SUGCT: variants seen among roughly 807,000 people sequenced by gnomAD.
SUGCT encodes succinyl-CoA:glutarate-CoA transferase, also known as succinyl-CoA:glutarate CoA-transferase.
SUGCT carries 41 observed loss-of-function variants against 55.0 expected under a neutral mutation model. The observed-to-expected ratio is 0.74, with a 90% confidence interval of 0.58 to 0.97. The LOEUF (loss-of-function observed/expected upper bound fraction) is 0.97. SUGCT is among the 50% of genes least tolerant of loss of function. The probability of loss-of-function intolerance (pLI) is 0.00; values close to 1 mark genes in which losing one functional copy is unlikely to be tolerated. For synonymous variants in SUGCT, 187 were observed against 200.4 expected (o/e 0.93, Z 0.56); for missense variants, 568 against 547.8 (o/e 1.04, Z -0.37).
the SUGCT span, among the ~76,000 whole-genome samples, chr7:40,870,593 A>T: frequency 6.6e-6 from 1 of 152,228 alleles, no homozygotes; most frequent in Non-Finnish European, 1.5e-5. Flanking sequence ...TCTTTTGAGG[A>T]GGCATTTTCT....
chr7:40,918,014 G>A, the SUGCT span, among the ~76,000 whole-genome samples: 1 of 152,152 alleles, frequency 6.6e-6, no homozygotes, highest in African/African-American at 2.4e-5. Context: ...TAGGAGGGCA[G>A]GCACTTTCCA....
chr7:40,903,107 C>T, the SUGCT span, among the ~76,000 whole-genome samples: 1 of 151,626 alleles, frequency 6.6e-6, no homozygotes, highest in East Asian at 1.9e-4. Context: ...TCTCGGCTCA[C>T]TGCAACCTCC....
intron 13 of SUGCT, among the ~76,000 whole-genome samples, chr7:40,751,805 A>G (rs540732601): frequency 1.3e-5 from 2 of 152,236 alleles, no homozygotes; most frequent in African/African-American, 2.4e-5. Context: ...TTGAAAGTCA[A>G]TATGATTGTC....
chr7:40,264,617 T>C (rs1584502504), intron 7 of SUGCT, among the ~76,000 whole-genome samples: 1 of 152,342 alleles, frequency 6.6e-6, no homozygotes, highest in East Asian at 1.9e-4. Context: ...AAGACAGTTT[T>C]CCTGCTAGTT....
the SUGCT span, among the ~76,000 whole-genome samples, chr7:40,972,852 C>T: frequency 6.6e-6 from 1 of 152,156 alleles, no homozygotes; most frequent in African/African-American, 2.4e-5. Context: ...CTGCTGTAGA[C>T]CTTCTGTAAG....
chr7:40,987,064 A>T, the SUGCT span, among the ~76,000 whole-genome samples: 1 of 152,222 alleles, frequency 6.6e-6, no homozygotes, highest in African/African-American at 2.4e-5. Flanking sequence ...TCTAGTTCCC[A>T]TAATGATGGT....
chr7:40,650,544 C>A (rs1800727511), intron 12 of SUGCT, among the ~76,000 whole-genome samples: 1 of 152,120 alleles, frequency 6.6e-6, no homozygotes, highest in Non-Finnish European at 1.5e-5. Context: ...ATCTGTTAGG[C>A]AGAAATAATT....
chr7:41,027,030 T>G, the SUGCT span, among the ~76,000 whole-genome samples: 2 of 151,788 alleles, frequency 1.3e-5, no homozygotes, highest in African/African-American at 4.8e-5. Flanking sequence ...AGACTCCATC[T>G]AAAAAAAAGT....
chr7:40,338,221 T>C (rs1260632700), intron 9 of SUGCT, among the ~76,000 whole-genome samples: 2 of 152,206 alleles, frequency 1.3e-5, no homozygotes, highest in Non-Finnish European at 2.9e-5. Context: ...CTGACAATTA[T>C]GTGTCTTGGA....
chr7:40,370,373 T>C lies in SUGCT; in HGVS notation c.816+53518T>C, dbSNP rs140076507. Among the ~76,000 whole-genome samples, 926 of 152,272 alleles carry C rather than the reference T, an allele frequency of 6.1e-3. 2 individuals carry two copies. Among genetic ancestry groups the C allele is most frequent in the Non-Finnish European group, 9.7e-3 (663 of 68,012 alleles). On this transcript the variant is annotated intron_variant, in intron 9 of 13. Coordinates refer to ENST00000335693, the MANE Select transcript of SUGCT (RefSeq NM_001193313.2). Reference sequence around the variant, plus strand: ...CACTGTAGCTGCTCCTCTCTACACATGTATTCTCTTAACTCTGCCGAACCT... The same window carrying C: ...CACTGTAGCTGCTCCTCTCTACACACGTATTCTCTTAACTCTGCCGAACCT...
chr7:40,570,850 C>CTTTTTTTT lies in SUGCT; in HGVS notation c.1089+74484_1089+74491dup, dbSNP rs776733346. On this transcript the variant is annotated intron_variant, in intron 12 of 13. Transcript: ENST00000335693. ...CCCCTCTGGGCAAAAGCTTTAGGCT[C>CTTTTTTTT]TTTTTTTTTTTTTTTTTTTTTTTTT... is the stretch of plus-strand genomic sequence containing the variant. Among the ~76,000 whole-genome samples the CTTTTTTTT allele has an allele frequency of 6.1e-4, 32 of 52,306 alleles. 9 individuals are homozygous for CTTTTTTTT. Among genetic ancestry groups the CTTTTTTTT allele is most frequent in the African/African-American group, 2.5e-3 (29 of 11,530 alleles). 34.3% of individuals were successfully genotyped at this position (52,306 alleles called of 152,430 possible). A position where few individuals can be genotyped will look rare whatever the true frequency, so the allele number is the denominator to read the frequency against.
intron 9 of SUGCT, among the ~76,000 whole-genome samples, chr7:40,379,889 G>C (rs944471906): frequency 2.0e-5 from 3 of 152,194 alleles, no homozygotes; most frequent in African/African-American, 7.2e-5. Context: ...TATGGTGGTA[G>C]CTTCTCAAAG....
At chr7:40,742,539 C>T (rs925150936) in intron 12 of SUGCT, among the ~76,000 whole-genome samples, 6 of 152,076 alleles carry the variant, frequency 3.9e-5, no homozygotes, top group Non-Finnish European at 5.9e-5. Context: ...CTAATGCTGC[C>T]GCTCATCTGA....
At chr7:41,025,538 G>A in the SUGCT span, among the ~76,000 whole-genome samples, 49 of 152,118 alleles carry the variant, frequency 3.2e-4, no homozygotes, top group Middle Eastern at 3.4e-3. Flanking sequence ...ACTAAAAATA[G>A]TAGAGATAGG....
At position 40,265,828 on chromosome 7, in the gene SUGCT, G is replaced by T. The variant is rs926117344; in HGVS notation, c.577-8685G>T. ...TAGCAGGGCATGATGGCATGTGCCT[G>T]TAATCCCAGATACTTGGGAGAATGA... On this transcript the variant is annotated intron_variant, in intron 7 of 13. Transcript: ENST00000335693. Among the ~76,000 whole-genome samples, 9 of 152,274 alleles carry T rather than the reference G, an allele frequency of 5.9e-5. 1 individual carries two copies. The highest frequency in any genetic ancestry group is 5.9e-4 in the Admixed American group (9 of 15,284).
intron 12 of SUGCT, among the ~76,000 whole-genome samples, chr7:40,642,719 CAT>C (rs1800324764): frequency 6.6e-6 from 1 of 152,148 alleles, no homozygotes; most frequent in Non-Finnish European, 1.5e-5. Flanking sequence ...TTTACAAAAA[CAT>C]GTGATTCAGT....
At chr7:40,324,048 C>G (rs1194866039) in intron 9 of SUGCT, among the ~76,000 whole-genome samples, 1 of 151,794 alleles carries the variant, frequency 6.6e-6, no homozygotes, top group Non-Finnish European at 1.5e-5. Context: ...AGAGAACTAC[C>G]TTATCTTTTC....
intron 12 of SUGCT, among the ~76,000 whole-genome samples, chr7:40,640,033 T>A (rs1400346132): frequency 6.6e-6 from 1 of 152,184 alleles, no homozygotes; most frequent in Admixed American, 6.5e-5. Flanking sequence ...TGCAAGAAAG[T>A]GTAAACTATC....
chr7:40,896,301 T>G, the SUGCT span, among the ~76,000 whole-genome samples: 1 of 152,174 alleles, frequency 6.6e-6, no homozygotes, highest in African/African-American at 2.4e-5. Flanking sequence ...GAAACATCTA[T>G]ACACTGAAAG....
Sources: allele counts gnomAD v4.1 joint callset (sites outside exome capture counted in the v4.1 genomes callset), GRCh38; gene constraint gnomAD v4.1.1; transcripts MANE v1.5; gene names NCBI Gene and HGNC (gene_info 2026-07-23, HGNC 2026-07-21).